The following RBMS3 variants were observed in gnomAD, a reference collection of about 807,000 sequenced individuals.
RBMS3 encodes RNA binding motif single stranded interacting protein 3.
In RBMS3, 27 loss-of-function variants were observed where a neutral mutation model predicts 66.8. That is an observed-to-expected ratio of 0.40 (90% CI 0.30 to 0.56). The LOEUF is 0.56. Among genes scored for constraint, RBMS3 ranks in the 20% least tolerant of loss-of-function variants. RBMS3 has a pLI of 0.40. For synonymous variants in RBMS3, 188 were observed against 183.0 expected (o/e 1.03, Z -0.22); for missense variants, 513 against 549.5 (o/e 0.93, Z 0.66).
intron 4 of RBMS3, among the ~76,000 whole-genome samples, chr3:29,720,497 C>T (rs188260417): frequency 6.6e-6 from 1 of 152,138 alleles, no homozygotes; most frequent in Non-Finnish European, 1.5e-5. Flanking sequence ...ACTTATTAGT[C>T]TGGAATGATA....
intron 4 of RBMS3, among the ~76,000 whole-genome samples, chr3:29,683,377 C>G (rs2051578506): frequency 6.6e-6 from 1 of 152,182 alleles, no homozygotes; most frequent in South Asian, 2.1e-4. Context: ...GTTTATTTCA[C>G]ATAGCAGGTC....
intron 4 of RBMS3, among the ~76,000 whole-genome samples, chr3:29,733,839 C>A (rs998435963): frequency 6.6e-6 from 1 of 152,090 alleles, no homozygotes; most frequent in Non-Finnish European, 1.5e-5. Flanking sequence ...ATCCTAAACC[C>A]TTTCCCTTAT....
At chr3:29,868,502 C>T (rs903376244) in intron 6 of RBMS3, among the ~76,000 whole-genome samples, 4 of 152,156 alleles carry the variant, frequency 2.6e-5, no homozygotes, top group Admixed American at 1.3e-4. Context: ...AACACGGTTG[C>T]TTTGAGGAAG....
chr3:29,427,075 C>T (rs1212233446), intron 1 of RBMS3, among the ~76,000 whole-genome samples: 1 of 152,150 alleles, frequency 6.6e-6, no homozygotes, highest in African/African-American at 2.4e-5. Flanking sequence ...ATTACCTAGG[C>T]CAGTTGATAG....
intron 1 of RBMS3, among the ~76,000 whole-genome samples, chr3:29,311,866 T>C (rs1184110465): frequency 2.6e-5 from 4 of 151,848 alleles, no homozygotes; most frequent in African/African-American, 9.7e-5. Flanking sequence ...ATCCATCATG[T>C]TGCAGCATTT....
At chr3:29,703,545 C>G (rs80162361) in intron 4 of RBMS3, among the ~76,000 whole-genome samples, 1,535 of 152,196 alleles carry the variant, frequency 0.01, 33 homozygotes, top group African/African-American at 0.036. Flanking sequence ...TCTGCAATGC[C>G]CAGAGTATTT....
chr3:29,467,837 A>G (rs1188251304), intron 2 of RBMS3, among the ~76,000 whole-genome samples: 2 of 152,220 alleles, frequency 1.3e-5, no homozygotes, highest in African/African-American at 2.4e-5. Context: ...CACTGGCACC[A>G]TGTATTAGTA....
intron 4 of RBMS3, among the ~76,000 whole-genome samples, chr3:29,623,043 C>G (rs150927023): frequency 6.9e-6 from 1 of 145,408 alleles, no homozygotes. Flanking sequence ...CGTGAACTGG[C>G]AAGCTTGCAG....
chr3:29,983,659 C>G lies in RBMS3; in HGVS notation c.1099-4484C>G, dbSNP rs528057120. 1.8e-4 allele frequency among the ~76,000 whole-genome samples: 28 copies of G among 152,092 alleles called. No homozygotes were observed. In the East Asian group the frequency reaches 4.2e-3, roughly 23 times the overall value. On this transcript the variant is annotated intron_variant, in intron 12 of 14. Coordinates refer to ENST00000383767, the MANE Select transcript of RBMS3 (RefSeq NM_001003793.3). The stretch of plus-strand genomic sequence containing the variant: ...TGCTTGTCTGTAAAGGATTTTATTT[C>G]TCCTTTGCTTATGAAGCTTAGTTTG...
At chr3:29,678,075 G>A (rs1417369601) in intron 4 of RBMS3, among the ~76,000 whole-genome samples, 2 of 152,138 alleles carry the variant, frequency 1.3e-5, no homozygotes, top group African/African-American at 4.8e-5. Context: ...AAGAAAGTAA[G>A]GTTACTACAT....
chr3:29,775,597 C>T (rs2056401400), intron 6 of RBMS3, among the ~76,000 whole-genome samples: 1 of 152,008 alleles, frequency 6.6e-6, no homozygotes. Context: ...GCTGTGTTAT[C>T]ATCATAAGAA....
chr3:29,432,789 G>C (rs1167417163), intron 1 of RBMS3, among the ~76,000 whole-genome samples: 1 of 152,182 alleles, frequency 6.6e-6, no homozygotes, highest in Non-Finnish European at 1.5e-5. Flanking sequence ...CAGAAGGATG[G>C]ATTAGAGCCA....
chr3:29,856,250 A>G (rs2059073436), intron 6 of RBMS3, among the ~76,000 whole-genome samples: 1 of 152,218 alleles, frequency 6.6e-6, no homozygotes, highest in African/African-American at 2.4e-5. Context: ...GAATGAATGT[A>G]TTAAAAATTA....
chr3:29,412,722 A>G (rs1362111294), intron 1 of RBMS3, among the ~76,000 whole-genome samples: 1 of 152,198 alleles, frequency 6.6e-6, no homozygotes, highest in Non-Finnish European at 1.5e-5. Flanking sequence ...TCAGCATTCC[A>G]GGGGTAGAAA....
At chr3:29,690,314 G>A (rs1342235450) in intron 4 of RBMS3, among the ~76,000 whole-genome samples, 1 of 152,072 alleles carries the variant, frequency 6.6e-6, no homozygotes, top group African/African-American at 2.4e-5. Flanking sequence ...GCTGGACGTG[G>A]TGGCATGTGC....
chr3:29,476,984 A>G (rs541147253), intron 2 of RBMS3, among the ~76,000 whole-genome samples: 2 of 152,328 alleles, frequency 1.3e-5, no homozygotes, highest in South Asian at 4.1e-4. Flanking sequence ...AGTTATTTGT[A>G]TTAGGTACTT....
chr3:29,998,952 G>A (rs1343191132), intron 14 of RBMS3, among the ~76,000 whole-genome samples: 4 of 152,066 alleles, frequency 2.6e-5, no homozygotes, highest in Non-Finnish European at 5.9e-5. Flanking sequence ...CTTCTGCACA[G>A]CAAAAGAAAC....
intron 13 of RBMS3, 25 bp downstream of exon 13, chr3:29,988,248 G>C (rs192063996): frequency 1.3e-6 from 2 of 1,555,706 alleles, no homozygotes; most frequent in Non-Finnish European, 1.8e-6. Flanking sequence ...GTCTAATAAA[G>C]AGGTTAGAAG....
At chr3:29,565,740 A>C (rs1368569530) in intron 3 of RBMS3, among the ~76,000 whole-genome samples, 1 of 152,184 alleles carries the variant, frequency 6.6e-6, no homozygotes, top group Non-Finnish European at 1.5e-5. Flanking sequence ...ATATTTGACA[A>C]TTTAGAAAAG....
Sources: allele counts gnomAD v4.1 joint callset (sites outside exome capture counted in the v4.1 genomes callset), GRCh38; gene constraint gnomAD v4.1.1; transcripts MANE v1.5; gene names NCBI Gene and HGNC (gene_info 2026-07-23, HGNC 2026-07-21).